Variants in DNAH14 observed in about 807,000 individuals in gnomAD.
DNAH14 encodes the protein axonemal beta dynein heavy chain 14.
DNAH14 carries 478 observed loss-of-function variants against 520.9 expected under a neutral mutation model. The ratio of observed to expected loss-of-function variants is 0.92; its 90% CI spans 0.85 to 0.99. DNAH14 has a LOEUF of 0.99. Ranked by LOEUF, DNAH14 falls within the 50% of genes least tolerant of loss-of-function variation. DNAH14 has a pLI of 0.00. For synonymous variants in DNAH14, 1,581 were observed against 1,757.2 expected (o/e 0.90, Z 2.51); for missense variants, 4,831 against 5,234.5 (o/e 0.92, Z 2.38).
intron 40 of DNAH14, among the ~76,000 whole-genome samples, chr1:225,206,459 T>A (rs970076313): frequency 6.6e-6 from 1 of 152,184 alleles, no homozygotes; most frequent in Admixed American, 6.5e-5. Context: ...TGATGTGAAT[T>A]ATTTTTTCAA....
intron 67 of DNAH14, 113 bp downstream of exon 67, chr1:225,337,609 A>C: frequency 1.3e-6 from 1 of 761,900 alleles, no homozygotes; most frequent in Non-Finnish European, 2.2e-6. Context: ...AAAAATAATA[A>C]CAGACATACA....
chr1:224,947,259 A>G (rs2059906196), intron 1 of DNAH14, among the ~76,000 whole-genome samples: 1 of 152,142 alleles, frequency 6.6e-6, no homozygotes, highest in South Asian at 2.1e-4. Context: ...CCATAATGTT[A>G]TCTGTAAATT....
chr1:224,965,971 A>G (rs533745149), intron 5 of DNAH14, among the ~76,000 whole-genome samples: 64 of 152,234 alleles, frequency 4.2e-4, no homozygotes, highest in African/African-American at 1.5e-3. Context: ...TTTAATTGGA[A>G]CATATTCTTA....
At chr1:224,987,319 T>C (rs1355851563) in intron 8 of DNAH14, among the ~76,000 whole-genome samples, 3 of 152,166 alleles carry the variant, frequency 2.0e-5, no homozygotes, top group South Asian at 2.1e-4. Context: ...GTGTCTCAGC[T>C]TGAGGATGGG....
intron 7 of DNAH14, among the ~76,000 whole-genome samples, chr1:224,973,333 A>G (rs2061613519): frequency 6.6e-6 from 1 of 152,118 alleles, no homozygotes; most frequent in Admixed American, 6.5e-5. Context: ...AGCTCTCACT[A>G]GCTGCATAAG....
intron 59 of DNAH14, 114 bp downstream of exon 59, chr1:225,307,683 C>A: frequency 1.3e-6 from 1 of 768,748 alleles, no homozygotes; most frequent in Non-Finnish European, 2.0e-6. Context: ...GCTTTGTTAC[C>A]CTATAGTTGT....
At chr1:225,357,234 T>A (rs755890265) in intron 73 of DNAH14, among the ~76,000 whole-genome samples, 1 of 152,126 alleles carries the variant, frequency 6.6e-6, no homozygotes, top group African/African-American at 2.4e-5. Flanking sequence ...TCAGAATGAT[T>A]TGTGGTTGCT....
intron 9 of DNAH14, among the ~76,000 whole-genome samples, chr1:225,005,024 AT>A (rs1362383351): frequency 6.6e-6 from 1 of 152,120 alleles, no homozygotes; most frequent in Non-Finnish European, 1.5e-5. Context: ...ATGTTTTTGT[AT>A]TACCAGAGAT....
At chr1:225,041,501 G>A (rs1395200452) in intron 12 of DNAH14, among the ~76,000 whole-genome samples, 1 of 152,218 alleles carries the variant, frequency 6.6e-6, no homozygotes, top group African/African-American at 2.4e-5. Flanking sequence ...TCAGGCCCCA[G>A]TTAGTTCATA....
rs1221194495 is a variant in DNAH14, at chr1:225,290,075, T to C, written c.8462T>C (p.Ile2821Thr). 10 of 1,456,540 alleles carry C rather than the reference T, an allele frequency of 6.9e-6. 1 individual carries two copies. The South Asian group carries it at 1.3e-4, about 19-fold the overall frequency. 90.2% of individuals were successfully genotyped at this position (1,456,540 alleles called of 1,614,324 possible). The stretch of plus-strand genomic sequence containing the variant: ...GTTCTGATGGTTCCCAATTTAAACA[T>C]AGAACAAGTAAGTACTTTTTGTCTT... ...PTVLMVPNLN[I>T]EQDSFLEDLN... Residue 2821 changes from isoleucine to threonine, a missense_variant, in exon 55 of 86, where the codon ATA becomes ACA. By Grantham distance (89) the Ile-to-Thr change is moderately conservative (BLOSUM62 -1). Transcript: ENST00000682510.
intron 17 of DNAH14, among the ~76,000 whole-genome samples, chr1:225,053,593 C>G (rs2068754945): frequency 6.6e-6 from 1 of 151,990 alleles, no homozygotes; most frequent in Admixed American, 6.6e-5. Flanking sequence ...TAATCTGATT[C>G]AGTGTAGTAA....
chr1:225,089,213 G>A (rs946788456), intron 21 of DNAH14, among the ~76,000 whole-genome samples: 1 of 152,098 alleles, frequency 6.6e-6, no homozygotes, highest in African/African-American at 2.4e-5. Context: ...GGAGGCTGAG[G>A]CAGGCGGATC....
At chr1:225,303,570 CTG>C (rs1184426277) in intron 57 of DNAH14, among the ~76,000 whole-genome samples, 1 of 152,208 alleles carries the variant, frequency 6.6e-6, no homozygotes, top group Non-Finnish European at 1.5e-5. Flanking sequence ...TCTGCAATGC[CTG>C]TGTCTCTTCA....
intron 27 of DNAH14, among the ~76,000 whole-genome samples, chr1:225,137,835 C>T (rs962163439): frequency 6.6e-6 from 1 of 152,176 alleles, no homozygotes; most frequent in African/African-American, 2.4e-5. Context: ...TCTTTGTAGA[C>T]CGCCTGTATT....
chr1:225,287,406 A>T (rs1055014128), intron 54 of DNAH14, among the ~76,000 whole-genome samples: 3 of 152,192 alleles, frequency 2.0e-5, no homozygotes, highest in Non-Finnish European at 4.4e-5. Flanking sequence ...CTGGAGTTGA[A>T]TAATGAAGTA....
intron 77 of DNAH14, among the ~76,000 whole-genome samples, chr1:225,371,735 A>C (rs1558551530): frequency 6.6e-6 from 1 of 152,182 alleles, no homozygotes; most frequent in Non-Finnish European, 1.5e-5. Flanking sequence ...AAATGTAAAG[A>C]TGTAAAGAGC....
At chr1:225,098,895 G>T (rs1324570205) in intron 22 of DNAH14, among the ~76,000 whole-genome samples, 1 of 152,108 alleles carries the variant, frequency 6.6e-6, no homozygotes, top group African/African-American at 2.4e-5. Context: ...CTATCTAATA[G>T]GTCTAAAGAA....
chr1:225,009,726 C>G (rs1274487450), intron 10 of DNAH14, among the ~76,000 whole-genome samples: 2 of 152,142 alleles, frequency 1.3e-5, no homozygotes, highest in Non-Finnish European at 1.5e-5. Context: ...ATTGATTCTT[C>G]CTATCCATGA....
intron 11 of DNAH14, among the ~76,000 whole-genome samples, chr1:225,027,230 G>T (rs2066183419): frequency 6.6e-6 from 1 of 152,028 alleles, no homozygotes; most frequent in African/African-American, 2.4e-5. Context: ...TTACCAATCT[G>T]ATACCTTTTA....
Sources: gnomAD v4.1 joint callset for allele counts (sites outside exome capture counted in the v4.1 genomes callset) on GRCh38, gnomAD v4.1.1 for gene constraint, MANE v1.5 for transcripts, NCBI Gene and HGNC (gene_info 2026-07-23, HGNC 2026-07-21) for gene names.